Variants in INVS observed in about 807,000 individuals in gnomAD.
INVS encodes inversion of embryo turning homolog.
Under a neutral mutation model 108.8 loss-of-function variants are expected in INVS, and 86 were observed. The ratio of observed to expected loss-of-function variants is 0.79; its 90% confidence interval spans 0.66 to 0.95. The LOEUF is 0.95. Ranked by LOEUF, INVS falls within the 40% of genes least tolerant of loss-of-function variation. The pLI, the probability that INVS is intolerant of heterozygous loss-of-function variation, is 0.00. For missense variants in INVS, 1,169 were observed against 1,297.4 expected (o/e 0.90, Z 1.52); for synonymous variants, 455 against 473.5 (o/e 0.96, Z 0.51).
chr9:100,198,785 G>A (rs976364703), intron 3 of INVS, among the ~76,000 whole-genome samples: 2 of 151,646 alleles, frequency 1.3e-5, no homozygotes, highest in African/African-American at 4.9e-5. Context: ...TAGAGACAGG[G>A]TTTCACCATG....
At position 100,273,091 on chromosome 9, in the gene INVS, C is replaced by G. The variant is rs1345747126; in HGVS notation, c.1784+15C>G. The G allele has an allele frequency of 1.9e-6, 3 of 1,609,544 alleles. No homozygotes were observed. In the African/African-American group the frequency reaches 4.0e-5, roughly 22 times the overall value. On this transcript the variant is annotated intron_variant, in intron 12 of 16. Transcript: ENST00000262457. The stretch of plus-strand genomic sequence containing the variant: ...GCTGCTGCCAAGTAAGTATGAGCTA[C>G]GCAGATTGCGTTTTCGCCACCCAGA...
At chr9:100,214,565 C>G (rs1410052459) in intron 3 of INVS, among the ~76,000 whole-genome samples, 1 of 152,188 alleles carries the variant, frequency 6.6e-6, no homozygotes, top group Non-Finnish European at 1.5e-5. Context: ...CAAAGCTGCT[C>G]ACATGTCAGA....
intron 3 of INVS, among the ~76,000 whole-genome samples, chr9:100,184,089 T>C (rs977674436): frequency 6.6e-6 from 1 of 152,126 alleles, no homozygotes; most frequent in African/African-American, 2.4e-5. Context: ...ACTATAATAC[T>C]TGGAGGAAAT....
chr9:100,136,009 T>C (rs1828214123), intron 3 of INVS, among the ~76,000 whole-genome samples: 4 of 151,970 alleles, frequency 2.6e-5, no homozygotes, highest in Admixed American at 2.6e-4. Context: ...ATCCATTTGT[T>C]TCATCTTTTT....
At chr9:100,226,836 T>G (rs1053421343) in intron 4 of INVS, among the ~76,000 whole-genome samples, 3 of 108,802 alleles carry the variant, frequency 2.8e-5, no homozygotes, top group South Asian at 3.0e-4. Context: ...AAAAAAAAAA[T>G]CAGTCCTGTC....
chr9:100,104,766 T>A, intron 2 of INVS, 139 bp downstream of exon 2: 1 of 716,842 alleles, frequency 1.4e-6, no homozygotes, highest in Non-Finnish European at 2.5e-6. Flanking sequence ...TTCCAACACA[T>A]GAACAAGAAA....
chr9:100,216,315 G>A (rs756861698), intron 3 of INVS, among the ~76,000 whole-genome samples: 14 of 152,088 alleles, frequency 9.2e-5, no homozygotes, highest in Non-Finnish European at 2.1e-4. Context: ...AGCCCATTGG[G>A]CTAACTGGTC....
intron 5 of INVS, among the ~76,000 whole-genome samples, chr9:100,232,831 A>G (rs1831555606): frequency 6.6e-6 from 1 of 152,146 alleles, no homozygotes; most frequent in Non-Finnish European, 1.5e-5. Context: ...TGTCTTGGCT[A>G]TACAGGCTCT....
chr9:100,099,669 T>C (rs1260035907), intron 1 of INVS, among the ~76,000 whole-genome samples: 1 of 152,184 alleles, frequency 6.6e-6, no homozygotes, highest in Non-Finnish European at 1.5e-5. Flanking sequence ...GGAGTAGATG[T>C]GGTACGGGAT....
At chr9:100,275,341 C>T (rs947799872) in intron 12 of INVS, among the ~76,000 whole-genome samples, 2 of 152,124 alleles carry the variant, frequency 1.3e-5, no homozygotes, top group Non-Finnish European at 2.9e-5. Flanking sequence ...TATTGTGTGA[C>T]AATCTATTTT....
intron 2 of INVS, among the ~76,000 whole-genome samples, chr9:100,115,367 C>A (rs922298531): frequency 6.6e-6 from 1 of 151,824 alleles, no homozygotes; most frequent in East Asian, 1.9e-4. Context: ...AGGTTTGTTA[C>A]ATATGTATAC....
chr9:100,250,069 C>T (rs1832178735), intron 8 of INVS, among the ~76,000 whole-genome samples: 1 of 152,070 alleles, frequency 6.6e-6, no homozygotes, highest in Admixed American at 6.5e-5. Context: ...TGAACCACTG[C>T]ACTCCAGCCT....
At chr9:100,166,891 A>G (rs1018218784) in intron 3 of INVS, among the ~76,000 whole-genome samples, 1 of 152,184 alleles carries the variant, frequency 6.6e-6, no homozygotes, top group Non-Finnish European at 1.5e-5. Context: ...TATCAACCAG[A>G]ATGATCCTTT....
At chr9:100,186,158 T>C (rs1418543651) in intron 3 of INVS, among the ~76,000 whole-genome samples, 2 of 152,132 alleles carry the variant, frequency 1.3e-5, no homozygotes, top group Non-Finnish European at 2.9e-5. Flanking sequence ...TACTAATTTT[T>C]TTTTTCTTTG....
At chr9:100,248,164 AT>A (rs1378941432) in intron 8 of INVS, among the ~76,000 whole-genome samples, 4 of 152,128 alleles carry the variant, frequency 2.6e-5, no homozygotes, top group African/African-American at 9.7e-5. Context: ...CACATAGGAT[AT>A]TGACTTTATA....
chr9:100,117,964 C>T (rs1378524882), intron 2 of INVS, among the ~76,000 whole-genome samples: 1 of 152,110 alleles, frequency 6.6e-6, no homozygotes, highest in South Asian at 2.1e-4. Flanking sequence ...AGAAGAGAGG[C>T]CTCACCAGAA....
chr9:100,216,799 C>A (rs374858164), intron 3 of INVS, among the ~76,000 whole-genome samples: 1 of 152,154 alleles, frequency 6.6e-6, no homozygotes, highest in African/African-American at 2.4e-5. Context: ...TTTGCCTGCC[C>A]AGAGGAAGGT....
chr9:100,131,988 C>A, intron 3 of INVS: 3 of 612,814 alleles, frequency 4.9e-6, no homozygotes, highest in Non-Finnish European at 6.1e-6. Context: ...TTTGCAGATG[C>A]ACACACAAAC....
At chr9:100,256,345 T>C (rs957092792) in intron 10 of INVS, among the ~76,000 whole-genome samples, 6 of 152,202 alleles carry the variant, frequency 3.9e-5, no homozygotes, top group Admixed American at 3.9e-4. Flanking sequence ...ATCAGTTTTG[T>C]TGATCTTTTA....
Sources: gnomAD v4.1 joint callset for allele counts (sites outside exome capture counted in the v4.1 genomes callset) on GRCh38, gnomAD v4.1.1 for gene constraint, MANE v1.5 for transcripts, NCBI Gene and HGNC (gene_info 2026-07-23, HGNC 2026-07-21) for gene names.